The following CYLC1 variants were observed in gnomAD, a reference collection of about 807,000 sequenced individuals.
CYLC1 encodes cylicin-1.
Under a neutral mutation model 31.6 loss-of-function variants are expected in CYLC1, and 2 were observed. The ratio of observed to expected loss-of-function variants is 0.06; its 90% CI spans 0.03 to 0.20. The LOEUF is 0.20. CYLC1 is among the 10% of genes least tolerant of loss of function. CYLC1 has a pLI of 1.00. For missense variants in CYLC1, 595 were observed against 424.1 expected, an observed-to-expected ratio of 1.40 and a Z score of -3.54; for synonymous variants, 185 against 153.0, an observed-to-expected ratio of 1.21 and a Z score of -1.54.
Position 83,874,282 on chromosome X carries a change from A to T in CYLC1, c.1574A>T (p.Asp525Val), listed in dbSNP as rs757673171. ...KDTESTDAEF[D>V]ESSKTGFKTS... ...ACAGAGTCTACTGATGCTGAATTTG[A>T]TGAATCTTCCAAGACAGGCTTTAAA... Residue 525 changes from aspartate (D) to valine (V), a missense_variant, in exon 4 of 5, where the codon GAT (aspartate) becomes GTT (valine). Coordinates refer to ENST00000329312, the MANE Select transcript of CYLC1 (RefSeq NM_021118.3). The T allele has an allele frequency of 9.9e-6, 12 of 1,207,967 alleles. No individual in the cohort carries two copies. The highest frequency in any genetic ancestry group is 1.0e-5 in the Non-Finnish European group (9 of 894,270).
chrX:83,876,041 G>A (rs1455372912), intron 4 of CYLC1, among the ~76,000 whole-genome samples: 2 of 109,831 alleles, frequency 1.8e-5, no homozygotes, highest in Non-Finnish European at 1.9e-5. Context: ...TCCTCTTTTA[G>A]GCTCAGAGAG....
At position 83,873,489 on chromosome X, in the gene CYLC1, T is replaced by A. The variant is rs1216044512; in HGVS notation, c.781T>A (p.Phe261Ile). The change falls in exon 4 of 5, where the codon TTT becomes ATT. Residue 261 changes from phenylalanine to isoleucine, a missense_variant. Physicochemically the swap from Phe to Ile is conservative, Grantham distance 21 (BLOSUM62 0). Coordinates refer to ENST00000329312, the MANE Select transcript of CYLC1 (RefSeq NM_021118.3). ...ACAGTCTGATGATGAATCCATAAAT[T>A]TTGATGCATGGTTAAGGAATTACTC... ...VGQSDDESIN[F>I]DAWLRNYSQN... 1.7e-6 allele frequency: 2 copies of A among 1,192,750 alleles called. No individual in the cohort carries two copies. Among genetic ancestry groups the A allele is most frequent in the Non-Finnish European group, 2.3e-6 (2 of 881,995 alleles).
At position 83,873,336 on chromosome X, in the gene CYLC1, A is replaced by G; in HGVS notation, c.628A>G (p.Asn210Asp). The G allele has an allele frequency of 8.3e-7, 1 of 1,203,410 alleles. No individual in the cohort carries two copies. Among genetic ancestry groups the G allele is most frequent in the Non-Finnish European group, 1.1e-6 (1 of 890,051 alleles). The change falls in exon 4 of 5, where the codon AAC becomes GAC. Residue 210 changes from asparagine (N) to aspartate (D), a missense_variant. Coordinates refer to ENST00000329312, the MANE Select transcript of CYLC1 (RefSeq NM_021118.3). ...KKDSKNSKKTNTEFLHTKNNP... is the reference protein window; with the variant it reads ...KKDSKNSKKTDTEFLHTKNNP... ...AGATTCAAAGAATTCCAAGAAGACA[A>G]ACACTGAATTCCTACATACAAAGAA...
At chrX:83,877,737 C>A (rs1451261897) in intron 4 of CYLC1, among the ~76,000 whole-genome samples, 2 of 103,474 alleles carry the variant, frequency 1.9e-5, no homozygotes, top group Non-Finnish European at 3.9e-5. Context: ...ATGCAGTCAC[C>A]CTCCGAACAC....
intron 1 of CYLC1, among the ~76,000 whole-genome samples, chrX:83,864,518 T>C (rs974067540): frequency 1.8e-5 from 2 of 111,181 alleles, no homozygotes; most frequent in African/African-American, 6.5e-5. Context: ...TTATTCATAT[T>C]ATCTCTACTT....
intron 4 of CYLC1, among the ~76,000 whole-genome samples, chrX:83,879,659 A>T (rs1260118619): frequency 9.1e-6 from 1 of 110,109 alleles, no homozygotes; most frequent in Non-Finnish European, 1.9e-5. Flanking sequence ...GGTAACACTT[A>T]TCAACAACTT....
At chrX:83,884,746 T>A (rs1569337288) in intron 4 of CYLC1, among the ~76,000 whole-genome samples, 2 of 111,472 alleles carry the variant, frequency 1.8e-5, no homozygotes, top group Non-Finnish European at 3.8e-5. Context: ...TTGCTAACAA[T>A]TTTTTTTCCT....
At chrX:83,868,595 A>C (rs1002864653) in intron 1 of CYLC1, among the ~76,000 whole-genome samples, 1 of 111,145 alleles carries the variant, frequency 9.0e-6, no homozygotes, top group Non-Finnish European at 1.9e-5. Flanking sequence ...ATGGTGGTCA[A>C]GAATCACACT....
intron 4 of CYLC1, among the ~76,000 whole-genome samples, chrX:83,885,082 T>C (rs1171603094): frequency 1.8e-5 from 2 of 111,230 alleles, no homozygotes; most frequent in African/African-American, 3.3e-5. Context: ...AAACTCAAAA[T>C]CTAAATGAAT....
Position 83,873,337 on chromosome X carries a change from A to T in CYLC1, c.629A>T (p.Asn210Ile). The T allele has an allele frequency of 8.3e-7, 1 of 1,203,317 alleles. No individual in the cohort carries two copies. ...KKDSKNSKKTNTEFLHTKNNP... is the reference protein window; with the variant it reads ...KKDSKNSKKTITEFLHTKNNP... ...GATTCAAAGAATTCCAAGAAGACAA[A>T]CACTGAATTCCTACATACAAAGAAC... Residue 210 changes from asparagine to isoleucine, a missense_variant, in exon 4 of 5, where the codon AAC becomes ATC. Coordinates refer to ENST00000329312, the MANE Select transcript of CYLC1 (RefSeq NM_021118.3).
Position 83,871,553 on chromosome X carries a change from T to A in CYLC1, c.160T>A (p.Ser54Thr). 1 of 1,193,660 alleles carries A rather than the reference T, an allele frequency of 8.4e-7. No individual in the cohort carries two copies. The highest frequency in any genetic ancestry group is 1.8e-5 in the African/African-American group (1 of 56,887). Residue 54 changes from serine to threonine, a missense_variant, in exon 3 of 5, where the codon TCA (serine) becomes ACA (threonine). Ser to Thr is a moderately conservative substitution (Grantham distance 58, BLOSUM62 1). Coordinates refer to ENST00000329312, the MANE Select transcript of CYLC1 (RefSeq NM_021118.3). ...GTNDKSRPLK[S>T]QITVTRHDKR... is the part of the protein sequence containing the mutation. Reference sequence around the variant, plus strand: ...AAATGATAAATCAAGACCTTTGAAATCACAAATAACAGTTACTGTAAGTAT... The same window carrying A: ...AAATGATAAATCAAGACCTTTGAAAACACAAATAACAGTTACTGTAAGTAT...
chrX:83,879,230 G>T (rs1034905075), intron 4 of CYLC1, among the ~76,000 whole-genome samples: 6 of 110,106 alleles, frequency 5.4e-5, no homozygotes, highest in Non-Finnish European at 9.5e-5. Flanking sequence ...TAATCATTTA[G>T]ATCCTCATGT....
At chrX:83,885,065 A>G (rs1378807539) in intron 4 of CYLC1, among the ~76,000 whole-genome samples, 2 of 111,299 alleles carry the variant, frequency 1.8e-5, no homozygotes, top group Non-Finnish European at 3.8e-5. Context: ...AGGCCTCTAA[A>G]GATCTTAAAC....
At chrX:83,874,667 G>T (rs777409790) in intron 4 of CYLC1, 36 bp downstream of exon 4, 180 of 1,108,351 alleles carry the variant, frequency 1.6e-4, no homozygotes, top group Admixed American at 2.8e-4. Flanking sequence ...AGGCTGAAAT[G>T]GATATAAAAT....
At chrX:83,862,520 G>A (rs991422511) in intron 1 of CYLC1, among the ~76,000 whole-genome samples, 3 of 111,525 alleles carry the variant, frequency 2.7e-5, no homozygotes, top group Middle Eastern at 4.2e-3. Flanking sequence ...TCCCGCCTGG[G>A]CGACAGAGCG....
chrX:83,869,750 C>G (rs1267625640), intron 1 of CYLC1, 115 bp from the exon 2 acceptor site: 9 of 315,812 alleles, frequency 2.8e-5, no homozygotes, highest in Non-Finnish European at 3.4e-5. Context: ...ACTGATTAAA[C>G]ATAGCATTGG....
rs1194903942 is a variant in CYLC1, at chrX:83,873,916, T to C, written c.1208T>C (p.Ile403Thr). Residue 403 changes from isoleucine to threonine, a missense_variant, in exon 4 of 5, where the codon ATT (isoleucine) becomes ACT (threonine). Transcript: ENST00000329312. ...GACAAGAAAAAGGATGCAAAGAAAATTACATTCTCTACTGATTCTGAATCT... is the reference window on the plus strand; with the variant it reads ...GACAAGAAAAAGGATGCAAAGAAAACTACATTCTCTACTGATTCTGAATCT... ...NDDKKKDAKK[I>T]TFSTDSESEL... 8.4e-7 allele frequency: 1 copy of C among 1,189,490 alleles called. No homozygotes were observed. Among genetic ancestry groups the C allele is most frequent in the East Asian group, 3.0e-5 (1 of 32,839 alleles).
chrX:83,880,756 C>CT (rs770843056), intron 4 of CYLC1, among the ~76,000 whole-genome samples: 29 of 111,333 alleles, frequency 2.6e-4, no homozygotes, highest in Non-Finnish European at 4.5e-4. Flanking sequence ...AGCACCACTC[C>CT]TATCAACATC....
intron 1 of CYLC1, among the ~76,000 whole-genome samples, chrX:83,862,338 T>C (rs1445639255): frequency 2.0e-5 from 2 of 100,395 alleles, no homozygotes; most frequent in African/African-American, 7.4e-5. Flanking sequence ...GAGACCATCC[T>C]GGCGAACACG....
Sources: gnomAD v4.1 joint callset for allele counts (sites outside exome capture counted in the v4.1 genomes callset) on GRCh38, gnomAD v4.1.1 for gene constraint, MANE v1.5 for transcripts, NCBI Gene and HGNC (gene_info 2026-07-23, HGNC 2026-07-21) for gene names.